The following PARD3B variants were observed in gnomAD, a reference collection of about 807,000 sequenced individuals.
PARD3B encodes the protein partitioning defective 3 homolog B.
Under a neutral mutation model 130.2 loss-of-function variants are expected in PARD3B, and 103 were observed. The observed-to-expected ratio is 0.79, with a 90% CI of 0.67 to 0.93. PARD3B has a LOEUF of 0.93. Among genes scored for constraint, PARD3B ranks in the 40% least tolerant of loss-of-function variants. The pLI is 0.00. For synonymous variants in PARD3B, 583 were observed against 553.2 expected (o/e 1.05, Z -0.76); for missense variants, 1,609 against 1,499.2 (o/e 1.07, Z -1.21).
intron 1 of PARD3B, among the ~76,000 whole-genome samples, chr2:204,558,411 C>G (rs192582879): frequency 1.1e-3 from 160 of 152,110 alleles, no homozygotes; most frequent in Non-Finnish European, 1.9e-3. Flanking sequence ...AACAGACAAA[C>G]AGCCAAATCA....
chr2:204,786,390 C>T (rs1559143531), intron 2 of PARD3B, among the ~76,000 whole-genome samples: 1 of 151,920 alleles, frequency 6.6e-6, no homozygotes. Context: ...CAAAGGATGG[C>T]TTTCTTGTGC....
Position 204,606,859 on chromosome 2 carries a change from C to T in PARD3B, c.120+60740C>T, listed in dbSNP as rs985005752. Among the ~76,000 whole-genome samples the T allele has an allele frequency of 6.6e-6, 1 of 152,118 alleles. No homozygotes were observed. The highest frequency in any genetic ancestry group is 1.5e-5 in the Non-Finnish European group (1 of 68,026). On this transcript the variant is annotated intron_variant, in intron 1 of 22. Coordinates refer to ENST00000406610, the MANE Select transcript of PARD3B (RefSeq NM_001302769.2). The surrounding 1 kb of genome is among the most constrained non-coding windows in gnomAD (Gnocchi z 4.0). ...AGAGTAAAACAAAATCTTAAAGTAG[C>T]AGTTTTGTTTGTGTGTGTGGTTTTT...
chr2:205,054,437 T>TATATCTATATA, intron 4 of PARD3B, among the ~76,000 whole-genome samples: 1 of 27,532 alleles, frequency 3.6e-5, no homozygotes, highest in Non-Finnish European at 6.0e-5. Flanking sequence ...TATATATATA[T>TATATCTATATA]TTTTTTTTTT....
At chr2:204,724,191 T>A (rs2039120056) in intron 2 of PARD3B, among the ~76,000 whole-genome samples, 1 of 152,192 alleles carries the variant, frequency 6.6e-6, no homozygotes, top group African/African-American at 2.4e-5. Context: ...TATAGTTGGT[T>A]TTGTTAAGAA....
rs933111054 is a variant in PARD3B, at chr2:205,493,114, G to A, written c.3045-6782G>A. Among the ~76,000 whole-genome samples the A allele has an allele frequency of 4.6e-5, 7 of 151,964 alleles. No individual in the cohort carries two copies. In the South Asian group the frequency reaches 8.3e-4, roughly 18 times the overall value. On this transcript the variant is annotated intron_variant, in intron 20 of 22. Coordinates refer to ENST00000406610, the MANE Select transcript of PARD3B (RefSeq NM_001302769.2). ...TTTGAGAAAAATTAGCAAAATAAGC[G>A]TGCATATAGCCTGTTTAATTATATT...
intron 15 of PARD3B, among the ~76,000 whole-genome samples, chr2:205,194,728 TAAAAC>T (rs1171894179): frequency 6.6e-6 from 1 of 152,054 alleles, no homozygotes; most frequent in African/African-American, 2.4e-5. Context: ...CTGTAAAAAA[TAAAAC>T]CAAAGACATG....
At chr2:204,910,381 T>A (rs1161439450) in intron 2 of PARD3B, among the ~76,000 whole-genome samples, 1 of 152,098 alleles carries the variant, frequency 6.6e-6, no homozygotes, top group East Asian at 1.9e-4. Context: ...AGAAGCAAAG[T>A]TTGGGAAGCA....
chr2:204,850,547 G>A (rs1238641935), intron 2 of PARD3B, among the ~76,000 whole-genome samples: 1 of 151,928 alleles, frequency 6.6e-6, no homozygotes, highest in African/African-American at 2.4e-5. Flanking sequence ...ATGAAAACAT[G>A]TAAAAGGCAG....
chr2:205,326,665 G>C (rs1415885068), intron 18 of PARD3B, among the ~76,000 whole-genome samples: 1 of 152,068 alleles, frequency 6.6e-6, no homozygotes, highest in East Asian at 1.9e-4. Context: ...ATAATTAAAT[G>C]ATTAAAAGGT....
At chr2:205,022,106 C>T (rs1360386308) in intron 3 of PARD3B, among the ~76,000 whole-genome samples, 2 of 152,118 alleles carry the variant, frequency 1.3e-5, no homozygotes, top group Non-Finnish European at 2.9e-5. Flanking sequence ...TGATAAAAAT[C>T]TAATGATTCA....
At chr2:205,170,504 G>GA (rs2035098134) in intron 11 of PARD3B, among the ~76,000 whole-genome samples, 1 of 152,038 alleles carries the variant, frequency 6.6e-6, no homozygotes, top group South Asian at 2.1e-4. Context: ...TTTCTTCCCC[G>GA]AGTGGGTGTG....
chr2:204,776,431 A>G (rs1480481671), intron 2 of PARD3B, among the ~76,000 whole-genome samples: 4 of 152,154 alleles, frequency 2.6e-5, no homozygotes, highest in African/African-American at 9.7e-5. Context: ...AGTTACCTGT[A>G]TAAGCACAGA....
intron 10 of PARD3B, among the ~76,000 whole-genome samples, chr2:205,135,345 T>C (rs1559473592): frequency 6.6e-6 from 1 of 152,150 alleles, no homozygotes; most frequent in Non-Finnish European, 1.5e-5. Context: ...TAAGGAAATG[T>C]GTTCATTTTG....
At chr2:205,330,362 T>A (rs1011801948) in intron 18 of PARD3B, among the ~76,000 whole-genome samples, 1 of 152,070 alleles carries the variant, frequency 6.6e-6, no homozygotes, top group South Asian at 2.1e-4. Context: ...TATTAAAATA[T>A]AAAAATTTTA....
At chr2:205,214,196 T>G (rs757420939) in intron 15 of PARD3B, among the ~76,000 whole-genome samples, 1 of 152,112 alleles carries the variant, frequency 6.6e-6, no homozygotes, top group Non-Finnish European at 1.5e-5. Flanking sequence ...ATTCCTGTAA[T>G]AAAAAAATTT....
chr2:204,633,822 A>G lies in PARD3B; in HGVS notation c.121-52359A>G, dbSNP rs181950245. On this transcript the variant is annotated intron_variant, in intron 1 of 22. Transcript: ENST00000406610. ...GCGAGACTGTGTCTCAAAAAAACAT[A>G]TATTTTTAAACTTAATTTTTAAAAG... is the stretch of plus-strand genomic sequence containing the variant. 2.0e-3 allele frequency among the ~76,000 whole-genome samples: 303 copies of G among 152,258 alleles called. 1 individual carries two copies. The highest frequency in any genetic ancestry group is 3.4e-3 in the Middle Eastern group (1 of 294).
intron 18 of PARD3B, among the ~76,000 whole-genome samples, chr2:205,380,191 ATATT>A (rs79855603): frequency 0.037 from 3,581 of 97,392 alleles, 266 homozygotes; most frequent in African/African-American, 0.085. Flanking sequence ...TAAAGAATAT[ATATT>A]ATATAATATG....
rs1273582854 is a variant in PARD3B, at chr2:205,238,849, A to AAAAAAAAT, written c.2141-6928_2141-6927insAAAAAATA. Among the ~76,000 whole-genome samples, 7 of 76,902 alleles carry AAAAAAAAT rather than the reference A, an allele frequency of 9.1e-5. 1 individual carries two copies. Among genetic ancestry groups the AAAAAAAAT allele is most frequent in the African/African-American group, 2.1e-4 (4 of 18,994 alleles). 50.5% of individuals were successfully genotyped at this position (76,902 alleles called of 152,430 possible). A position where few individuals can be genotyped will look rare whatever the true frequency, so the allele number is the denominator to read the frequency against. ...AAACTCCGTTTCAAAAAAAAAAAAA[A>AAAAAAAAT]ATATATATATATATATATATATATA... On this transcript the variant is annotated intron_variant, in intron 15 of 22. Coordinates refer to ENST00000406610, the MANE Select transcript of PARD3B (RefSeq NM_001302769.2).
chr2:204,867,816 C>G (rs1302677549), intron 2 of PARD3B, among the ~76,000 whole-genome samples: 2 of 152,124 alleles, frequency 1.3e-5, no homozygotes, highest in Non-Finnish European at 2.9e-5. Flanking sequence ...ATAATAATAA[C>G]TAAATCCCAT....
Sources: allele counts gnomAD v4.1 joint callset (sites outside exome capture counted in the v4.1 genomes callset), GRCh38; gene constraint gnomAD v4.1.1; non-coding constraint Gnocchi (gnomAD v3.1); transcripts MANE v1.5; gene names NCBI Gene and HGNC (gene_info 2026-07-23, HGNC 2026-07-21).